Variants in CNRIP1 observed in about 807,000 individuals in gnomAD.
The protein encoded by CNRIP1 is cannabinoid receptor interacting protein 1.
In CNRIP1, 10 loss-of-function variants were observed where a neutral mutation model predicts 15.2. That is an observed-to-expected ratio of 0.66 (90% CI 0.41 to 1.12). The LOEUF is 1.12. Among genes scored for constraint, CNRIP1 ranks in the 50% most tolerant of loss-of-function variants. CNRIP1 has a pLI of 0.00. For missense variants in CNRIP1, 211 were observed against 214.7 expected, an observed-to-expected ratio of 0.98 and a Z score of 0.11; for synonymous variants, 91 against 83.2, an observed-to-expected ratio of 1.09 and a Z score of -0.51.
intron 2 of CNRIP1, among the ~76,000 whole-genome samples, chr2:68,307,464 G>A (rs1183030740): frequency 6.6e-6 from 1 of 152,138 alleles, no homozygotes; most frequent in Non-Finnish European, 1.5e-5. Flanking sequence ...TGAGACTACA[G>A]GCATATGTCA....
chr2:68,303,087 T>G (rs1046454319), intron 2 of CNRIP1, among the ~76,000 whole-genome samples: 1 of 143,628 alleles, frequency 7.0e-6, no homozygotes, highest in Admixed American at 7.2e-5. Context: ...GACTTCGTGA[T>G]CCACCCGCCT....
In CNRIP1 at chr2:68,319,680, G is replaced by A; in HGVS notation, c.-280C>T. The A allele has an allele frequency of 2.5e-6, 1 of 397,954 alleles. No homozygotes were observed. The allele number at this position is 397,954 out of a possible 1,614,324, so 24.7% of individuals were successfully genotyped here. ...TCCCCATCCCCCGCTCCAGTGCTGC[G>A]CCCTCCACGCACCCGAAGGCTCGCT... On this transcript the variant is annotated 5_prime_UTR_variant, in exon 1 of 3. Coordinates refer to ENST00000263655, the MANE Select transcript of CNRIP1 (RefSeq NM_015463.3).
At chr2:68,296,745 C>A (rs2103623547) in intron 2 of CNRIP1, among the ~76,000 whole-genome samples, 1 of 152,290 alleles carries the variant, frequency 6.6e-6, no homozygotes, top group South Asian at 2.1e-4. Context: ...TCAAGCAATT[C>A]TCCTGCCTCA....
At chr2:68,285,264 A>G (rs1572999324) in intron 2 of CNRIP1, among the ~76,000 whole-genome samples, 1 of 114,940 alleles carries the variant, frequency 8.7e-6, no homozygotes, top group Admixed American at 1.3e-4. Context: ...GGTGGCTTCC[A>G]CCCCTGCCTT....
intron 2 of CNRIP1, 130 bp from the exon 3 acceptor site, chr2:68,294,156 T>C: frequency 1.1e-6 from 1 of 916,038 alleles, no homozygotes. Flanking sequence ...TCTGCAAGGC[T>C]CGGAAGGCTT....
At chr2:68,288,793 C>T (rs1373296282), downstream of CNRIP1, among the ~76,000 whole-genome samples, 2 of 152,112 alleles carry the variant, frequency 1.3e-5, no homozygotes, top group Non-Finnish European at 2.9e-5. Context: ...GCAAAACTAC[C>T]AGGTTATAAA....
downstream of CNRIP1, chr2:68,292,991 A>G: frequency 1.3e-5 from 13 of 983,924 alleles, no homozygotes; most frequent in Non-Finnish European, 1.6e-5. Context: ...TGCCCAAATT[A>G]AGAATGCAAG....
chr2:68,312,770 CA>C (rs967126067), intron 2 of CNRIP1, among the ~76,000 whole-genome samples: 8 of 151,758 alleles, frequency 5.3e-5, no homozygotes, highest in East Asian at 1.9e-4. Flanking sequence ...TATCAATATA[CA>C]AAAAAAATCG....
rs996842917 is a variant in CNRIP1 at position 68,293,261 on chromosome 2, G to A, written c.*601C>T. 1.5e-5 allele frequency: 15 copies of A among 985,594 alleles called. No homozygotes were observed. The highest frequency in any genetic ancestry group is 5.2e-4 in the Middle Eastern group (1 of 1,936). The allele number at this position is 985,594 out of a possible 1,614,324, so 61.1% of individuals were successfully genotyped here. A position where few individuals can be genotyped will look rare whatever the true frequency, so the allele number is the denominator to read the frequency against. The stretch of plus-strand genomic sequence containing the variant: ...AAGCTACTTAAAAGAGTTTTAATAC[G>A]TTATAAATACGTACATATTTGTCCT... On this transcript the variant is annotated 3_prime_UTR_variant, in exon 3 of 3. Transcript: ENST00000263655.
intron 2 of CNRIP1, among the ~76,000 whole-genome samples, chr2:68,297,567 C>CAAAA (rs112601365): frequency 7.7e-4 from 76 of 98,870 alleles, no homozygotes; most frequent in African/African-American, 1.2e-3. Flanking sequence ...GACACTGTCT[C>CAAAA]AAAAAAAAAA....
rs963852176 is a variant in CNRIP1, at chr2:68,293,463, T to C, written c.*399A>G. ...ATGGGAGGACCCATACACATTGTTA[T>C]TTTTAAATTTAACATTGAACAAAAA... On this transcript the variant is annotated 3_prime_UTR_variant, in exon 3 of 3. Coordinates refer to ENST00000263655, the MANE Select transcript of CNRIP1 (RefSeq NM_015463.3). 1 of 1,000,636 alleles carries C rather than the reference T, an allele frequency of 1.0e-6. No individual in the cohort carries two copies. 62.0% of individuals were successfully genotyped at this position (1,000,636 alleles called of 1,614,324 possible). A position where few individuals can be genotyped will look rare whatever the true frequency, so the allele number is the denominator to read the frequency against.
intron 2 of CNRIP1, among the ~76,000 whole-genome samples, chr2:68,306,062 G>A (rs1192178608): frequency 7.1e-6 from 1 of 141,034 alleles, no homozygotes. Flanking sequence ...AGAGGTCAAG[G>A]CTGCAGTGAG....
Position 68,293,810 on chromosome 2 carries a change from C to G in CNRIP1, c.*52G>C, listed in dbSNP as rs1205554497. 1.9e-6 allele frequency: 3 copies of G among 1,594,220 alleles called. No homozygotes were observed. The highest frequency in any genetic ancestry group is 2.6e-6 in the Non-Finnish European group (3 of 1,166,750). ...TTGTTTAAGGCCTGCGCTGGTTTAT[C>G]TAAAAGTAGATTTCTGAAAAGATTG... On this transcript the variant is annotated 3_prime_UTR_variant, in exon 3 of 3. Coordinates refer to ENST00000263655, the MANE Select transcript of CNRIP1 (RefSeq NM_015463.3).
At chr2:68,305,312 G>GTGTGTGTGTGTA (rs1285507186) in intron 2 of CNRIP1, among the ~76,000 whole-genome samples, 38 of 129,096 alleles carry the variant, frequency 2.9e-4, no homozygotes, top group African/African-American at 1.1e-3. Context: ...GTGTGTGTGT[G>GTGTGTGTGTGTA]TACATATAAA....
Position 68,293,646 on chromosome 2 carries a change from G to C in CNRIP1, c.*216C>G. On this transcript the variant is annotated 3_prime_UTR_variant, in exon 3 of 3. Coordinates refer to ENST00000263655, the MANE Select transcript of CNRIP1 (RefSeq NM_015463.3). ...TGCAGGAACATCAGCACAAAATACA[G>C]ATGGGAATATTCTCGGGAGTGGTAC... is the stretch of plus-strand genomic sequence containing the variant. 1 of 1,262,606 alleles carries C rather than the reference G, an allele frequency of 7.9e-7. No individual in the cohort carries two copies. The highest frequency in any genetic ancestry group is 1.0e-6 in the Non-Finnish European group (1 of 994,764). The allele number at this position is 1,262,606 out of a possible 1,614,324, so 78.2% of individuals were successfully genotyped here. A position where few individuals can be genotyped will look rare whatever the true frequency, so the allele number is the denominator to read the frequency against.
chr2:68,290,024 C>CTTTTTTTT (rs35429690), downstream of CNRIP1, among the ~76,000 whole-genome samples: 2 of 89,648 alleles, frequency 2.2e-5, no homozygotes, highest in Non-Finnish European at 4.3e-5. Flanking sequence ...AGAATCTGAA[C>CTTTTTTTT]TTTTTTTTTT....
chr2:68,302,685 A>G (rs1325411354), intron 2 of CNRIP1, among the ~76,000 whole-genome samples: 1 of 152,148 alleles, frequency 6.6e-6, no homozygotes, highest in Non-Finnish European at 1.5e-5. Flanking sequence ...CAGTGTCACT[A>G]TGGGCAGTGG....
downstream of CNRIP1, chr2:68,292,866 G>C (rs1671212066): frequency 9.3e-6 from 3 of 320,882 alleles, no homozygotes; most frequent in Non-Finnish European, 9.0e-6. Flanking sequence ...AAAAGGTCAG[G>C]CTTGATTCAT....
chr2:68,319,209 G>GC lies in CNRIP1; in HGVS notation c.179+12dup. The GC allele has an allele frequency of 6.5e-7, 1 of 1,536,618 alleles. No homozygotes were observed. ...ATGGGGGACCCTGCTGCCACCAGGC[G>GC]CCCCGCACTCACTCGACCTGCAGCG... On this transcript the variant is annotated intron_variant, in intron 1 of 2. Transcript: ENST00000263655.
Sources: allele counts gnomAD v4.1 joint callset (sites outside exome capture counted in the v4.1 genomes callset), GRCh38; gene constraint gnomAD v4.1.1; transcripts MANE v1.5; gene names NCBI Gene and HGNC (gene_info 2026-07-23, HGNC 2026-07-21).